CFAP54: variants seen among roughly 807,000 people sequenced by gnomAD.
CFAP54 encodes cilia and flagella associated protein 54, also known as cilia- and flagella-associated protein 54.
A neutral mutation model predicts 370.4 loss-of-function variants in CFAP54; 290 were observed. The ratio of observed to expected loss-of-function variants is 0.78; its 90% CI spans 0.71 to 0.86. CFAP54 has a LOEUF of 0.86. CFAP54 is among the 40% of genes least tolerant of loss of function. CFAP54 has a pLI of 0.00. For synonymous variants in CFAP54, 1,206 were observed against 1,236.5 expected (o/e 0.98, Z 0.52); for missense variants, 3,399 against 3,528.7 (o/e 0.96, Z 0.93).
chr12:96,661,168 G>C (rs1445529819), intron 38 of CFAP54, among the ~76,000 whole-genome samples: 1 of 152,124 alleles, frequency 6.6e-6, no homozygotes, highest in Non-Finnish European at 1.5e-5. Flanking sequence ...CTTCTTTGCA[G>C]AGGTTGGGGA....
intron 30 of CFAP54, among the ~76,000 whole-genome samples, chr12:96,628,504 A>C (rs569964918): frequency 3.9e-5 from 6 of 152,240 alleles, no homozygotes; most frequent in African/African-American, 1.4e-4. Context: ...TGAGGGAGAG[A>C]GAGAGGAGAG....
intron 1 of CFAP54, among the ~76,000 whole-genome samples, chr12:96,491,865 T>C (rs1196170538): frequency 1.3e-5 from 2 of 152,166 alleles, no homozygotes; most frequent in African/African-American, 4.8e-5. Context: ...GTTTAAGCGA[T>C]TCTTGTGCCT....
chr12:96,547,295 C>T (rs946117960), intron 14 of CFAP54, among the ~76,000 whole-genome samples: 8 of 152,200 alleles, frequency 5.3e-5, no homozygotes, highest in African/African-American at 1.9e-4. Flanking sequence ...AAGCAATTCT[C>T]CTGCCTCAGC....
intron 45 of CFAP54, among the ~76,000 whole-genome samples, chr12:96,699,696 C>T (rs1957471361): frequency 6.6e-6 from 1 of 151,976 alleles, no homozygotes; most frequent in African/African-American, 2.4e-5. Context: ...AATGTGTTTG[C>T]CTCTGATGAA....
intron 42 of CFAP54, among the ~76,000 whole-genome samples, chr12:96,686,904 TAAAAC>T (rs1432087510): frequency 6.6e-6 from 1 of 152,236 alleles, no homozygotes; most frequent in African/African-American, 2.4e-5. Flanking sequence ...CCTAGCGGCT[TAAAAC>T]AAAACAGGTT....
intron 65 of CFAP54, among the ~76,000 whole-genome samples, chr12:96,824,941 G>C (rs1339241620): frequency 6.6e-6 from 1 of 151,716 alleles, no homozygotes; most frequent in African/African-American, 2.4e-5. Flanking sequence ...CACTGCCATG[G>C]TTCCTATACA....
At chr12:96,617,344 G>C (rs1956430998) in intron 26 of CFAP54, among the ~76,000 whole-genome samples, 1 of 152,232 alleles carries the variant, frequency 6.6e-6, no homozygotes, top group South Asian at 2.1e-4. Context: ...AGTAGAAATA[G>C]ATGCCACCAC....
chr12:96,489,710 C>A lies in CFAP54; in HGVS notation c.101C>A (p.Ser34Ter). 2.0e-6 allele frequency: 3 copies of A among 1,536,042 alleles called. No homozygotes were observed. The highest frequency in any genetic ancestry group is 2.6e-6 in the Non-Finnish European group (3 of 1,146,864). Residue 34 changes from serine (S) to a stop codon, truncating the protein, a stop_gained, in exon 1 of 68, where the codon TCG becomes TAG. Coordinates refer to ENST00000524981, the MANE Select transcript of CFAP54 (RefSeq NM_001306084.2). LOFTEE classifies it high-confidence loss of function. Reference protein sequence around the residue: ...LPPTSTATSRSPPESKGSSRS... With the variant: ...LPPTSTATSR ...CCGACCTCCACCGCGACTTCGAGGT[C>A]GCCCCCAGAGTCGAAGGGGAGCTCC...
chr12:96,721,400 C>T (rs750585906), intron 50 of CFAP54, among the ~76,000 whole-genome samples: 1 of 152,190 alleles, frequency 6.6e-6, no homozygotes, highest in Admixed American at 6.5e-5. Context: ...TGTTAACTCT[C>T]TCACTGCCAG....
chr12:96,798,837 C>T (rs1450989166), intron 63 of CFAP54, among the ~76,000 whole-genome samples: 9 of 152,036 alleles, frequency 5.9e-5, no homozygotes, highest in Admixed American at 5.9e-4. Flanking sequence ...TATTTAAAGG[C>T]ACCTTTAATG....
At chr12:96,663,988 G>A (rs1957026771) in intron 39 of CFAP54, 56 bp downstream of exon 39, 1 of 1,294,456 alleles carries the variant, frequency 7.7e-7, no homozygotes, top group Non-Finnish European at 1.1e-6. Context: ...GTTTGCCATT[G>A]TGTTCTGCAT....
chr12:96,722,334 T>A (rs1452000222), intron 50 of CFAP54, among the ~76,000 whole-genome samples: 1 of 152,186 alleles, frequency 6.6e-6, no homozygotes, highest in African/African-American at 2.4e-5. Context: ...AGGGCAGGCT[T>A]CATTGATGAG....
At chr12:96,613,411 A>G (rs1956380720) in intron 26 of CFAP54, among the ~76,000 whole-genome samples, 2 of 152,228 alleles carry the variant, frequency 1.3e-5, no homozygotes, top group African/African-American at 4.8e-5. Flanking sequence ...CGCACAAGAG[A>G]AAGCAGGAAA....
intron 12 of CFAP54, among the ~76,000 whole-genome samples, chr12:96,536,351 T>G (rs1214274846): frequency 6.6e-6 from 1 of 152,214 alleles, no homozygotes; most frequent in Non-Finnish European, 1.5e-5. Context: ...TATTGTCATT[T>G]TTAAAAAGTA....
intron 55 of CFAP54, among the ~76,000 whole-genome samples, chr12:96,745,949 A>G (rs1958109984): frequency 6.6e-6 from 1 of 152,158 alleles, no homozygotes; most frequent in Non-Finnish European, 1.5e-5. Flanking sequence ...TGGATGGTAT[A>G]GTTTCTCTGC....
chr12:96,789,306 C>A (rs1045756180), intron 62 of CFAP54, among the ~76,000 whole-genome samples: 3 of 152,152 alleles, frequency 2.0e-5, no homozygotes, highest in Non-Finnish European at 4.4e-5. Context: ...TGAGTGAGGA[C>A]GTGAACAGGC....
chr12:96,627,702 AG>A (rs1956562422), intron 30 of CFAP54, among the ~76,000 whole-genome samples: 1 of 152,262 alleles, frequency 6.6e-6, no homozygotes, highest in Admixed American at 6.5e-5. Context: ...AGATAAAAGA[AG>A]AAATTGCTTA....
At chr12:96,596,234 G>T (rs1359348567) in intron 25 of CFAP54, among the ~76,000 whole-genome samples, 1 of 152,158 alleles carries the variant, frequency 6.6e-6, no homozygotes, top group Non-Finnish European at 1.5e-5. Context: ...AACAGCAGCT[G>T]CTCAATTGGC....
intron 39 of CFAP54, among the ~76,000 whole-genome samples, chr12:96,665,906 G>C (rs142118056): frequency 6.8e-4 from 104 of 152,178 alleles, no homozygotes; most frequent in Middle Eastern, 6.8e-3. Context: ...AAATTGCTTT[G>C]GGCAATATGA....
Sources: allele counts gnomAD v4.1 joint callset (sites outside exome capture counted in the v4.1 genomes callset), GRCh38; gene constraint gnomAD v4.1.1; transcripts MANE v1.5; gene names NCBI Gene and HGNC (gene_info 2026-07-23, HGNC 2026-07-21).